Variants in GSE1 observed in about 807,000 individuals in gnomAD.
GSE1 encodes the protein genetic suppressor element 1.
In GSE1, 32 loss-of-function variants were observed where a neutral mutation model predicts 112.6. The ratio of observed to expected loss-of-function variants is 0.28; its 90% CI spans 0.21 to 0.38. GSE1 has a LOEUF of 0.38. Ranked by LOEUF, GSE1 falls within the 10% of genes least tolerant of loss-of-function variation. The pLI, the probability that GSE1 is intolerant of heterozygous loss-of-function variation, is 1.00. For synonymous variants in GSE1, 1,115 were observed against 735.6 expected (o/e 1.52, Z -8.35); for missense variants, 2,348 against 1,699.2 (o/e 1.38, Z -6.71).
At chr16:85,263,994 G>A (rs1370320358) in intron 1 of GSE1, among the ~76,000 whole-genome samples, 4 of 152,182 alleles carry the variant, frequency 2.6e-5, no homozygotes, top group Non-Finnish European at 2.9e-5. Context: ...GCCTGGGGCC[G>A]GGGAGGGCTT....
At chr16:85,531,044 G>A (rs2044119148) in intron 2 of GSE1, among the ~76,000 whole-genome samples, 1 of 152,258 alleles carries the variant, frequency 6.6e-6, no homozygotes. Flanking sequence ...CCAAGGAGTT[G>A]CCAACTGATG....
At chr16:85,365,271 C>G (rs1215315424) in intron 2 of GSE1, among the ~76,000 whole-genome samples, 1 of 152,242 alleles carries the variant, frequency 6.6e-6, no homozygotes, top group African/African-American at 2.4e-5. Context: ...TCCCTGTCTG[C>G]TTCTGAGAAA....
chr16:85,348,746 T>G (rs926663024), intron 1 of GSE1, among the ~76,000 whole-genome samples: 8 of 152,166 alleles, frequency 5.3e-5, no homozygotes, highest in Admixed American at 1.3e-4. Context: ...TTTCGTGGAT[T>G]GTCCAGGAGA....
At chr16:85,604,478 G>A (rs1388087188) in intron 1 of GSE1, among the ~76,000 whole-genome samples, 1 of 151,880 alleles carries the variant, frequency 6.6e-6, no homozygotes, top group Non-Finnish European at 1.5e-5. Flanking sequence ...TCCGTACAAG[G>A]TTTTGCGTGG....
At chr16:85,388,347 GATGGATGGGTGA>G (rs2047748386) in intron 2 of GSE1, among the ~76,000 whole-genome samples, 2 of 86,818 alleles carry the variant, frequency 2.3e-5, no homozygotes, top group Admixed American at 1.1e-4. Flanking sequence ...TGTATGGCTG[GATGGATGGGTGA>G]GTGGATGGGC....
At chr16:85,246,873 T>C (rs1597181512) in intron 1 of GSE1, among the ~76,000 whole-genome samples, 1 of 152,054 alleles carries the variant, frequency 6.6e-6, no homozygotes, top group South Asian at 2.1e-4. Flanking sequence ...TCCTGGCTGG[T>C]TTGTCCCCCA....
intron 1 of GSE1, among the ~76,000 whole-genome samples, chr16:85,278,629 A>T (rs2044764881): frequency 6.6e-6 from 1 of 152,226 alleles, no homozygotes; most frequent in Non-Finnish European, 1.5e-5. Flanking sequence ...ATTCTGATAC[A>T]AGTAAGTGTC....
At chr16:85,541,862 G>T (rs1052482837) in intron 2 of GSE1, among the ~76,000 whole-genome samples, 4 of 152,214 alleles carry the variant, frequency 2.6e-5, no homozygotes, top group African/African-American at 9.7e-5. Context: ...ATCTGCAGAA[G>T]GGGAGAGCAG....
At chr16:85,390,694 C>CCCAG in intron 2 of GSE1, among the ~76,000 whole-genome samples, 1 of 77,104 alleles carries the variant, frequency 1.3e-5, no homozygotes, top group Non-Finnish European at 3.5e-5. Context: ...CCCCCACCGC[C>CCCAG]TTGTTCTGCC....
At position 85,654,785 on chromosome 16, in the gene GSE1, C is replaced by A; in HGVS notation, c.600-9C>A. The A allele has an allele frequency of 6.2e-7, 1 of 1,600,640 alleles. No homozygotes were observed. Among genetic ancestry groups the A allele is most frequent in the Non-Finnish European group, 8.5e-7 (1 of 1,171,184 alleles). On this transcript the variant is annotated splice_polypyrimidine_tract_variant and intron_variant, in intron 4 of 15. Transcript: ENST00000253458. ...CTGTCCCCACCTTGCCCACTATCCC[C>A]GCCTGCAGCCTCCAGCGGCCCGTGC...
chr16:85,507,917 T>C (rs2051593895), intron 2 of GSE1, among the ~76,000 whole-genome samples: 1 of 152,172 alleles, frequency 6.6e-6, no homozygotes, highest in Admixed American at 6.5e-5. Context: ...CGTGTGTTTC[T>C]ATGGGCTGAG....
intron 2 of GSE1, among the ~76,000 whole-genome samples, chr16:85,380,582 A>G (rs1262158381): frequency 6.6e-6 from 1 of 151,876 alleles, no homozygotes; most frequent in African/African-American, 2.4e-5. Context: ...CTCATCCCTC[A>G]TGGTCGAGGT....
chr16:85,584,433 G>A (rs1333023869), intron 1 of GSE1, among the ~76,000 whole-genome samples: 5 of 152,192 alleles, frequency 3.3e-5, no homozygotes, highest in East Asian at 3.9e-4. Flanking sequence ...ATTATGCCGT[G>A]TTTGTTTCAG....
chr16:85,417,857 T>C (rs1470306673), intron 2 of GSE1, among the ~76,000 whole-genome samples: 1 of 152,212 alleles, frequency 6.6e-6, no homozygotes, highest in Non-Finnish European at 1.5e-5. Context: ...CTTTTTCTTT[T>C]GAGATGGAGT....
intron 1 of GSE1, among the ~76,000 whole-genome samples, chr16:85,305,411 A>C (rs1001551960): frequency 6.6e-6 from 1 of 152,058 alleles, no homozygotes; most frequent in African/African-American, 2.4e-5. Context: ...TAGCCTCCCA[A>C]AGTGCTTGGA....
intron 2 of GSE1, among the ~76,000 whole-genome samples, chr16:85,533,996 C>G (rs561967638): frequency 6.6e-6 from 1 of 152,300 alleles, no homozygotes; most frequent in South Asian, 2.1e-4. Flanking sequence ...CCATTAAGGT[C>G]TAGAATAATG....
rs138459113 is a variant in GSE1, at chr16:85,402,959, C to A, written c.2464+45316C>A. The stretch of plus-strand genomic sequence containing the variant: ...CCCAAAACTTCGTGGCTCCAGACGC[C>A]ATTTATTATCCCACAGCATGTGCGG... On this transcript the variant is annotated intron_variant, in intron 2 of 2. Transcript: ENST00000637419. Among the ~76,000 whole-genome samples the A allele has an allele frequency of 1.9e-4, 29 of 152,118 alleles. No homozygotes were observed. In the East Asian group the frequency reaches 5.6e-3, roughly 29 times the overall value.
intron 1 of GSE1, among the ~76,000 whole-genome samples, chr16:85,324,719 C>T (rs913191132): frequency 2.0e-5 from 3 of 151,906 alleles, no homozygotes; most frequent in South Asian, 4.2e-4. Flanking sequence ...GGTGGGTCTG[C>T]GCCATCCGTG....
At chr16:85,619,795 G>A (rs1567662606) in intron 1 of GSE1, among the ~76,000 whole-genome samples, 2 of 152,148 alleles carry the variant, frequency 1.3e-5, no homozygotes, top group Admixed American at 6.5e-5. Flanking sequence ...TGCTAGGCAG[G>A]GATTATCCCC....
Sources: gnomAD v4.1 joint callset for allele counts (sites outside exome capture counted in the v4.1 genomes callset) on GRCh38, gnomAD v4.1.1 for gene constraint, MANE v1.5 for transcripts, NCBI Gene and HGNC (gene_info 2026-07-23, HGNC 2026-07-21) for gene names.